IPO11: variants seen among roughly 807,000 people sequenced by gnomAD.
IPO11 encodes importin 11.
In IPO11, 66 loss-of-function variants were observed where a neutral mutation model predicts 143.2. That is an observed-to-expected ratio of 0.46 (90% CI 0.38 to 0.57). The LOEUF is 0.57. IPO11 is among the 20% of genes least tolerant of loss of function. The probability of loss-of-function intolerance (pLI) is 0.00; values close to 1 mark genes in which losing one functional copy is unlikely to be tolerated. For missense variants in IPO11, 1,026 were observed against 1,141.0 expected, an observed-to-expected ratio of 0.90 and a Z score of 1.45; for synonymous variants, 385 against 377.8, an observed-to-expected ratio of 1.02 and a Z score of -0.22.
intron 10 of IPO11, chr5:62,483,524 GGACTT>G (rs1443603350): frequency 1.5e-5 from 6 of 398,316 alleles, no homozygotes; most frequent in Non-Finnish European, 2.6e-5. Flanking sequence ...TGAAGCTTAG[GGACTT>G]TAAGAATTAG....
At chr5:62,521,194 A>G (rs1026726301) in intron 20 of IPO11, among the ~76,000 whole-genome samples, 1 of 152,070 alleles carries the variant, frequency 6.6e-6, no homozygotes, top group African/African-American at 2.4e-5. Context: ...GCATCATGTC[A>G]TATCTTTTCT....
At chr5:62,536,920 C>G (rs964813510) in intron 23 of IPO11, 139 bp downstream of exon 23, 1 of 1,026,572 alleles carries the variant, frequency 9.7e-7, no homozygotes, top group African/African-American at 1.7e-5. Flanking sequence ...GTGAGCATTT[C>G]CCATTGCAGG....
At chr5:62,535,017 A>ATATTTATTTATTTATTTATTTATT (rs70981023) in intron 22 of IPO11, among the ~76,000 whole-genome samples, 57 of 142,640 alleles carry the variant, frequency 4.0e-4, no homozygotes, top group African/African-American at 7.5e-4. Context: ...TATAATATTA[A>ATATTTATTTATTTATTTATTTATT]TATTTATTTA....
intron 1 of IPO11, among the ~76,000 whole-genome samples, chr5:62,424,704 A>G (rs1353484330): frequency 6.6e-6 from 1 of 151,258 alleles, no homozygotes; most frequent in Non-Finnish European, 1.5e-5. Flanking sequence ...TGCCTCCCAA[A>G]TTGGTGGGAT....
intron 24 of IPO11, among the ~76,000 whole-genome samples, chr5:62,544,803 A>C (rs943708685): frequency 6.6e-6 from 1 of 152,218 alleles, no homozygotes; most frequent in African/African-American, 2.4e-5. Flanking sequence ...TTTATACACC[A>C]ATAACAGACA....
At chr5:62,481,873 C>G (rs1256984240) in intron 9 of IPO11, among the ~76,000 whole-genome samples, 1 of 152,156 alleles carries the variant, frequency 6.6e-6, no homozygotes. Context: ...GGTACCAGCT[C>G]CTCTTTGTAC....
chr5:62,418,458 A>G (rs1206618793), intron 1 of IPO11, among the ~76,000 whole-genome samples: 6 of 152,300 alleles, frequency 3.9e-5, no homozygotes, highest in East Asian at 1.9e-4. Flanking sequence ...CAGCCAACAC[A>G]TATCATATAG....
At chr5:62,442,781 T>C (rs1744537616) in intron 2 of IPO11, among the ~76,000 whole-genome samples, 1 of 152,106 alleles carries the variant, frequency 6.6e-6, no homozygotes, top group Non-Finnish European at 1.5e-5. Context: ...GGAGAATCTC[T>C]TGAACCTGGG....
At chr5:62,517,848 T>C (rs564380764) in intron 20 of IPO11, among the ~76,000 whole-genome samples, 3 of 152,322 alleles carry the variant, frequency 2.0e-5, no homozygotes, top group African/African-American at 7.2e-5. Flanking sequence ...CCTTTTTTCT[T>C]TAATCATGAC....
At chr5:62,560,613 T>C (rs958175017) in intron 26 of IPO11, 1 of 152,330 alleles carries the variant, frequency 6.6e-6, no homozygotes, top group African/African-American at 2.4e-5. Flanking sequence ...TTCTGTATTA[T>C]GTTGATTTGT....
At chr5:62,445,467 C>G (rs1383834093) in intron 3 of IPO11, among the ~76,000 whole-genome samples, 1 of 151,698 alleles carries the variant, frequency 6.6e-6, no homozygotes, top group Non-Finnish European at 1.5e-5. Context: ...GTATACAATC[C>G]CTGACTTATG....
rs546698002 is a variant in IPO11, at chr5:62,524,001, T to C, written c.1897-2141T>C. Among the ~76,000 whole-genome samples, 10 of 152,308 alleles carry C rather than the reference T, an allele frequency of 6.6e-5. No homozygotes were observed. The South Asian group carries it at 1.9e-3, about 28-fold the overall frequency. On this transcript the variant is annotated intron_variant, in intron 20 of 29. Coordinates refer to ENST00000325324, the MANE Select transcript of IPO11 (RefSeq NM_016338.5). ...TCCCATGTGTCCTTCACCCAATTTCTCCTTACATGTTATGTAATTATAGTA... is the reference window on the plus strand; with the variant it reads ...TCCCATGTGTCCTTCACCCAATTTCCCCTTACATGTTATGTAATTATAGTA...
rs1554057745 is a variant in IPO11, at chr5:62,598,535, C to CTTTCT, written c.2679-3226_2679-3225insCTTTT. Among the ~76,000 whole-genome samples, 53 of 5,844 alleles carry CTTTCT rather than the reference C, an allele frequency of 9.1e-3. 7 individuals carry two copies. Among genetic ancestry groups the CTTTCT allele is most frequent in the South Asian group, 0.019 (3 of 154 alleles). The allele number at this position is 5,844 out of a possible 152,430, so 3.8% of individuals were successfully genotyped here. A position where few individuals can be genotyped will look rare whatever the true frequency, so the allele number is the denominator to read the frequency against. ...CTTTCTTTCTTTCTTTCTTTTCTTT[C>CTTTCT]TTTTCTTTCTTTTCTTTCTTTTTTT... On this transcript the variant is annotated intron_variant, in intron 28 of 29. Coordinates refer to ENST00000325324, the MANE Select transcript of IPO11 (RefSeq NM_016338.5).
chr5:62,483,323 T>C (rs374202843), intron 10 of IPO11, 30 bp downstream of exon 10: 13 of 1,332,298 alleles, frequency 9.8e-6, no homozygotes, highest in Non-Finnish European at 1.3e-5. Flanking sequence ...TTTAAAAGAA[T>C]TATTTTAATC....
At chr5:62,586,764 AAAAAAT>A (rs1369828470) in intron 27 of IPO11, among the ~76,000 whole-genome samples, 119 of 83,084 alleles carry the variant, frequency 1.4e-3, no homozygotes, top group Middle Eastern at 0.012. Context: ...AAAAAAAAAA[AAAAAAT>A]ATATATATAT....
chr5:62,602,500 T>A (rs1745543745), intron 29 of IPO11, among the ~76,000 whole-genome samples: 1 of 152,172 alleles, frequency 6.6e-6, no homozygotes, highest in Admixed American at 6.6e-5. Flanking sequence ...CTAACTTTAT[T>A]ATACCTTCTT....
chr5:62,452,860 C>CTCCT (rs1744990469), intron 5 of IPO11, among the ~76,000 whole-genome samples: 3 of 150,296 alleles, frequency 2.0e-5, no homozygotes, highest in Non-Finnish European at 4.4e-5. Context: ...TCAAACCATC[C>CTCCT]TCCTACCTCA....
chr5:62,584,143 T>C lies in IPO11; in HGVS notation c.2583-7434T>C, dbSNP rs189656753. Among the ~76,000 whole-genome samples, 308 of 152,344 alleles carry C rather than the reference T, an allele frequency of 2.0e-3. 2 individuals are homozygous for C. Among genetic ancestry groups the C allele is most frequent in the African/African-American group, 7.2e-3 (301 of 41,590 alleles). The stretch of plus-strand genomic sequence containing the variant: ...AAGCATATAACTTTTAAATTTATAA[T>C]TCCAATGTGGAATTTTAAAAACATA... On this transcript the variant is annotated intron_variant, in intron 27 of 29. Coordinates refer to ENST00000325324, the MANE Select transcript of IPO11 (RefSeq NM_016338.5).
chr5:62,463,437 G>A (rs1293382700), intron 5 of IPO11, among the ~76,000 whole-genome samples: 1 of 152,022 alleles, frequency 6.6e-6, no homozygotes, highest in Admixed American at 6.5e-5. Context: ...GCTGAGGCAG[G>A]AGGATCACTT....
Sources: gnomAD v4.1 joint callset for allele counts (sites outside exome capture counted in the v4.1 genomes callset) on GRCh38, gnomAD v4.1.1 for gene constraint, MANE v1.5 for transcripts, NCBI Gene and HGNC (gene_info 2026-07-23, HGNC 2026-07-21) for gene names.